Variants in BAZ1A observed in about 807,000 individuals in gnomAD.
The protein encoded by BAZ1A is bromodomain adjacent to zinc finger domain 1A, also known as bromodomain adjacent to zinc finger domain protein 1A.
A neutral mutation model predicts 185.2 loss-of-function variants in BAZ1A; 50 were observed. The ratio of observed to expected loss-of-function variants is 0.27; its 90% CI spans 0.22 to 0.34. The LOEUF (loss-of-function observed/expected upper bound fraction) is 0.34. Ranked by LOEUF, BAZ1A falls within the 10% of genes least tolerant of loss-of-function variation. The pLI, the probability that BAZ1A is intolerant of heterozygous loss-of-function variation, is 1.00. For missense variants in BAZ1A, 1,356 were observed against 1,839.9 expected (o/e 0.74, Z 4.81); for synonymous variants, 571 against 615.6 (o/e 0.93, Z 1.07).
chr14:34,775,054 A>G (rs571680558), intron 18 of BAZ1A, among the ~76,000 whole-genome samples: 157 of 152,210 alleles, frequency 1.0e-3, no homozygotes, highest in African/African-American at 3.5e-3. Context: ...ATCTCTACTA[A>G]AAATACAAAA....
chr14:34,778,187 G>C (rs1566556166), intron 17 of BAZ1A, among the ~76,000 whole-genome samples: 1 of 152,208 alleles, frequency 6.6e-6, no homozygotes, highest in Non-Finnish European at 1.5e-5. Flanking sequence ...CAGAAGCACT[G>C]TGTGTACCCT....
At position 34,771,521 on chromosome 14, in the gene BAZ1A, T is replaced by G; in HGVS notation, c.3291A>C (p.Lys1097Asn). ...IEQGIERRFL[K>N]APLDASDSGR... ...AAAACAGATACTTACCAAGTGGAGCTTTCAGAAAACGCCGCTCAATGCCCT... is the reference window on the plus strand; with the variant it reads ...AAAACAGATACTTACCAAGTGGAGCGTTCAGAAAACGCCGCTCAATGCCCT... Residue 1097 changes from lysine to asparagine, a missense_variant, in exon 21 of 27, where the codon AAA becomes AAC. This residue lies in a region of BAZ1A where 434 missense variants were observed against 561.7 expected (regional missense o/e 0.77). Transcript: ENST00000360310. The G allele has an allele frequency of 1.9e-6, 3 of 1,606,620 alleles. No homozygotes were observed. The highest frequency in any genetic ancestry group is 2.5e-6 in the Non-Finnish European group (3 of 1,177,854).
intron 6 of BAZ1A, among the ~76,000 whole-genome samples, chr14:34,803,236 G>A (rs1282098968): frequency 6.6e-6 from 1 of 151,916 alleles, no homozygotes; most frequent in African/African-American, 2.4e-5. Flanking sequence ...AAAATTAGCT[G>A]GGTGTGGTGG....
At chr14:34,848,582 G>C (rs2042551653) in intron 3 of BAZ1A, among the ~76,000 whole-genome samples, 1 of 152,160 alleles carries the variant, frequency 6.6e-6, no homozygotes, top group Non-Finnish European at 1.5e-5. Flanking sequence ...GGGCGACAGA[G>C]CGGGACTCTG....
intron 3 of BAZ1A, among the ~76,000 whole-genome samples, chr14:34,843,362 TG>T: frequency 6.6e-6 from 1 of 152,320 alleles, no homozygotes; most frequent in South Asian, 2.1e-4. Context: ...TGTACTTTCT[TG>T]CACTTTGGGG....
At chr14:34,757,988 C>A (rs1886340172) in intron 25 of BAZ1A, among the ~76,000 whole-genome samples, 1 of 151,122 alleles carries the variant, frequency 6.6e-6, no homozygotes, top group South Asian at 2.1e-4. Flanking sequence ...ACCTCGTGAT[C>A]CGCCCGCCTC....
intron 9 of BAZ1A, among the ~76,000 whole-genome samples, chr14:34,798,256 G>A (rs375631600): frequency 1.0e-3 from 155 of 152,382 alleles, no homozygotes; most frequent in African/African-American, 3.1e-3. Flanking sequence ...AGACCACACC[G>A]CTGGGGGCAG....
chr14:34,792,759 A>G lies in BAZ1A; in HGVS notation c.1510+16T>C, dbSNP rs1355708931. 1 of 1,610,898 alleles carries G rather than the reference A, an allele frequency of 6.2e-7. No individual in the cohort carries two copies. The highest frequency in any genetic ancestry group is 8.5e-7 in the Non-Finnish European group (1 of 1,179,276). On this transcript the variant is annotated intron_variant, in intron 12 of 26. Coordinates refer to ENST00000360310, the MANE Select transcript of BAZ1A (RefSeq NM_013448.3). The stretch of plus-strand genomic sequence containing the variant: ...AAACTACTATGGTTCAATCAGCAAT[A>G]ATGTTGAACTCTGACCTTTGGTGTC...
At chr14:34,840,532 G>A (rs1383795091) in intron 3 of BAZ1A, among the ~76,000 whole-genome samples, 6 of 152,146 alleles carry the variant, frequency 3.9e-5, no homozygotes, top group Non-Finnish European at 7.3e-5. Context: ...GCCGAGGCAG[G>A]TGGATCACCT....
intron 3 of BAZ1A, among the ~76,000 whole-genome samples, chr14:34,854,989 G>A (rs900238734): frequency 6.6e-6 from 1 of 152,126 alleles, no homozygotes; most frequent in African/African-American, 2.4e-5. Context: ...TGGGGCACAA[G>A]TATCGCTCGA....
At chr14:34,805,025 C>G (rs548032417) in intron 6 of BAZ1A, among the ~76,000 whole-genome samples, 10 of 152,260 alleles carry the variant, frequency 6.6e-5, no homozygotes, top group African/African-American at 2.2e-4. Context: ...AATCATGGAG[C>G]AGGCTTCCCC....
In BAZ1A at chr14:34,773,739, T is replaced by C. The variant is rs764753350; in HGVS notation, c.2998-13A>G. ...GTCGATCTGTAACCTGTAACAAAAT[T>C]CAAACTTACTAACCATGAAAAATGG... is the stretch of plus-strand genomic sequence containing the variant. On this transcript the variant is annotated splice_polypyrimidine_tract_variant and intron_variant, in intron 19 of 26. Coordinates refer to ENST00000360310, the MANE Select transcript of BAZ1A (RefSeq NM_013448.3). 1 of 1,612,422 alleles carries C rather than the reference T, an allele frequency of 6.2e-7. No homozygotes were observed. Among genetic ancestry groups the C allele is most frequent in the South Asian group, 1.1e-5 (1 of 90,954 alleles).
intron 3 of BAZ1A, among the ~76,000 whole-genome samples, chr14:34,846,443 G>C (rs759177563): frequency 1.6e-4 from 25 of 152,142 alleles, no homozygotes; most frequent in Middle Eastern, 6.3e-3. Flanking sequence ...ACTACAATTT[G>C]GAAGCCCTTA....
chr14:34,868,802 A>G (rs1033266085), intron 2 of BAZ1A, among the ~76,000 whole-genome samples: 2 of 151,620 alleles, frequency 1.3e-5, no homozygotes, highest in African/African-American at 4.9e-5. Flanking sequence ...CTCCGTCTCA[A>G]AAAAAAACAG....
intron 25 of BAZ1A, among the ~76,000 whole-genome samples, chr14:34,755,218 A>G (rs142258890): frequency 1.3e-4 from 20 of 152,318 alleles, no homozygotes; most frequent in Non-Finnish European, 2.2e-4. Context: ...TATGTAACAA[A>G]GTGTACTTTA....
intron 2 of BAZ1A, among the ~76,000 whole-genome samples, chr14:34,871,192 A>G (rs913580790): frequency 1.3e-5 from 2 of 152,254 alleles, no homozygotes; most frequent in African/African-American, 4.8e-5. Flanking sequence ...GCAAAAATAA[A>G]CAAAATTGTT....
intron 21 of BAZ1A, among the ~76,000 whole-genome samples, chr14:34,770,417 T>C (rs1879134696): frequency 6.6e-6 from 1 of 152,224 alleles, no homozygotes; most frequent in South Asian, 2.1e-4. Flanking sequence ...CCTCCCAAAG[T>C]GCTGGGATTA....
chr14:34,816,659 A>C (rs2042011233), intron 4 of BAZ1A: 1 of 219,896 alleles, frequency 4.5e-6, no homozygotes. Flanking sequence ...CTGAGCTGCT[A>C]CAAATACCTT....
intron 3 of BAZ1A, among the ~76,000 whole-genome samples, chr14:34,838,205 C>G (rs1286450591): frequency 1.3e-5 from 2 of 152,172 alleles, no homozygotes; most frequent in Non-Finnish European, 2.9e-5. Flanking sequence ...TTATATGCAT[C>G]CAAGGCAAAT....
Sources: gnomAD v4.1 joint callset for allele counts (sites outside exome capture counted in the v4.1 genomes callset) on GRCh38, gnomAD v4.1.1 for gene constraint, gnomAD v4.1.1 regional missense constraint, MANE v1.5 for transcripts, NCBI Gene and HGNC (gene_info 2026-07-23, HGNC 2026-07-21) for gene names.